The following PRKG1 variants were observed in gnomAD, a reference collection of about 807,000 sequenced individuals.
PRKG1 encodes protein kinase cGMP-dependent 1, also known as cGMP-dependent protein kinase 1.
PRKG1 carries 35 observed loss-of-function variants against 88.1 expected under a neutral mutation model. The observed-to-expected ratio is 0.40, with a 90% CI of 0.30 to 0.53. PRKG1 has a LOEUF of 0.53. Ranked by LOEUF, PRKG1 falls within the 20% of genes least tolerant of loss-of-function variation. The pLI is 0.59. For missense variants in PRKG1, 540 were observed against 839.8 expected (o/e 0.64, Z 4.41); for synonymous variants, 303 against 292.5 (o/e 1.04, Z -0.37).
In PRKG1 at chr10:52,109,747, A is replaced by T. The variant is rs530078619; in HGVS notation, c.936-24093A>T. ...CACTGCACTCCAGCCTGGGTGACAG[A>T]GCCAGACTCCATCTCAAAAAAAAAT... On this transcript the variant is annotated intron_variant, in intron 7 of 17. Transcript: ENST00000373980. 3.5e-3 allele frequency among the ~76,000 whole-genome samples: 522 copies of T among 151,072 alleles called. 2 individuals carry two copies. Among genetic ancestry groups the T allele is most frequent in the African/African-American group, 0.012 (484 of 40,616 alleles).
At chr10:51,544,876 T>G (rs1414158712) in intron 3 of PRKG1, among the ~76,000 whole-genome samples, 1 of 152,024 alleles carries the variant, frequency 6.6e-6, no homozygotes, top group Admixed American at 6.6e-5. Flanking sequence ...GGGCAAAGGA[T>G]ATGAACAGAC....
chr10:51,923,604 A>C (rs1339342117), intron 5 of PRKG1, among the ~76,000 whole-genome samples: 7 of 151,196 alleles, frequency 4.6e-5, no homozygotes, highest in Middle Eastern at 3.2e-3. Flanking sequence ...CCACCAATTC[A>C]GGCCATCTTT....
At chr10:52,170,172 G>A (rs936176161) in intron 9 of PRKG1, among the ~76,000 whole-genome samples, 25 of 152,204 alleles carry the variant, frequency 1.6e-4, no homozygotes, top group Admixed American at 7.9e-4. Flanking sequence ...TGCAAGGATC[G>A]CTTAAGCCTT....
At chr10:51,215,960 A>C (rs1838361183) in intron 2 of PRKG1, among the ~76,000 whole-genome samples, 1 of 152,234 alleles carries the variant, frequency 6.6e-6, no homozygotes, top group Non-Finnish European at 1.5e-5. Context: ...GAGAGAATAA[A>C]GTGAGGAAAC....
At chr10:52,011,851 C>T (rs1040247395) in intron 5 of PRKG1, among the ~76,000 whole-genome samples, 7 of 152,058 alleles carry the variant, frequency 4.6e-5, no homozygotes, top group Admixed American at 3.3e-4. Flanking sequence ...ATGCTGTTCT[C>T]GTGATAGTGA....
At chr10:51,785,940 A>G (rs1412595744) in intron 3 of PRKG1, among the ~76,000 whole-genome samples, 1 of 152,176 alleles carries the variant, frequency 6.6e-6, no homozygotes, top group African/African-American at 2.4e-5. Flanking sequence ...ATCTGTAGCT[A>G]GTAATGACAT....
chr10:51,217,251 T>A lies in PRKG1; in HGVS notation c.478+63921T>A, dbSNP rs1377837064. On this transcript the variant is annotated intron_variant, in intron 2 of 17. Coordinates refer to ENST00000373980, the MANE Select transcript of PRKG1 (RefSeq NM_006258.4). ...TTACACCTGGAAATATTCTCTGAGT[T>A]TACATGAGAGAAGGGAATGGCTTAT... is the stretch of plus-strand genomic sequence containing the variant. Among the ~76,000 whole-genome samples, 8 of 152,174 alleles carry A rather than the reference T, an allele frequency of 5.3e-5. 1 individual carries two copies. Among genetic ancestry groups the A allele is most frequent in the South Asian group, 4.1e-4 (2 of 4,834 alleles).
At chr10:51,694,781 T>C (rs1841242226) in intron 3 of PRKG1, among the ~76,000 whole-genome samples, 1 of 152,166 alleles carries the variant, frequency 6.6e-6, no homozygotes, top group African/African-American at 2.4e-5. Flanking sequence ...GAAAAACACA[T>C]AAAAGATTCT....
At chr10:52,174,515 A>G (rs1838801483) in intron 9 of PRKG1, among the ~76,000 whole-genome samples, 1 of 152,042 alleles carries the variant, frequency 6.6e-6, no homozygotes, top group Admixed American at 6.6e-5. Flanking sequence ...AGGACTATAA[A>G]GAAGCATTTA....
At chr10:51,576,973 G>A (rs755981567) in intron 3 of PRKG1, among the ~76,000 whole-genome samples, 3 of 151,746 alleles carry the variant, frequency 2.0e-5, no homozygotes, top group Non-Finnish European at 4.4e-5. Flanking sequence ...TTTCACTTAT[G>A]TTGCTCACTT....
At chr10:51,034,680 A>T (rs1446790436) in intron 1 of PRKG1, among the ~76,000 whole-genome samples, 4 of 121,732 alleles carry the variant, frequency 3.3e-5, no homozygotes, top group Admixed American at 7.8e-5. Context: ...ATATATATAT[A>T]TATATATATA....
At chr10:52,289,287 C>A (rs952043112) in intron 16 of PRKG1, among the ~76,000 whole-genome samples, 4 of 152,076 alleles carry the variant, frequency 2.6e-5, no homozygotes, top group African/African-American at 4.8e-5. Flanking sequence ...TTTGGGGATT[C>A]TATTCTCTAC....
chr10:51,643,924 C>G (rs931527420), intron 3 of PRKG1, among the ~76,000 whole-genome samples: 13 of 152,136 alleles, frequency 8.5e-5, no homozygotes, highest in African/African-American at 2.9e-4. Flanking sequence ...TAATCCTGCC[C>G]CATCCACGTC....
chr10:52,009,836 G>T (rs1844836369), intron 5 of PRKG1, among the ~76,000 whole-genome samples: 1 of 152,056 alleles, frequency 6.6e-6, no homozygotes, highest in East Asian at 1.9e-4. Flanking sequence ...ATAGAACAGT[G>T]GAACAGAGTA....
chr10:51,603,600 A>G (rs561619321), intron 3 of PRKG1, among the ~76,000 whole-genome samples: 1 of 152,286 alleles, frequency 6.6e-6, no homozygotes, highest in East Asian at 1.9e-4. Flanking sequence ...TTTTGGATTC[A>G]TTTGTTCAGC....
intron 10 of PRKG1, among the ~76,000 whole-genome samples, chr10:52,255,607 T>C (rs1447932867): frequency 6.6e-6 from 1 of 151,960 alleles, no homozygotes; most frequent in South Asian, 2.1e-4. Flanking sequence ...AGATAAAAAA[T>C]TTAATAAATA....
chr10:52,204,094 ATT>A (rs1564514949), intron 9 of PRKG1, among the ~76,000 whole-genome samples: 2,008 of 69,466 alleles, frequency 0.029, 52 homozygotes, highest in African/African-American at 0.067. Context: ...TATTATTATT[ATT>A]ATTATTATTA....
intron 2 of PRKG1, among the ~76,000 whole-genome samples, chr10:51,162,928 A>G (rs942917922): frequency 4.6e-5 from 7 of 152,216 alleles, no homozygotes; most frequent in South Asian, 4.1e-4. Flanking sequence ...TATGTTACCC[A>G]GGCTGTTCTT....
chr10:51,225,516 T>G (rs973278871), intron 2 of PRKG1, among the ~76,000 whole-genome samples: 1 of 152,220 alleles, frequency 6.6e-6, no homozygotes, highest in African/African-American at 2.4e-5. Flanking sequence ...TTAATATGCT[T>G]CATTTCCTCA....
Sources: gnomAD v4.1 joint callset for allele counts (sites outside exome capture counted in the v4.1 genomes callset) on GRCh38, gnomAD v4.1.1 for gene constraint, MANE v1.5 for transcripts, NCBI Gene and HGNC (gene_info 2026-07-23, HGNC 2026-07-21) for gene names.